Variants in MMS22L observed in about 807,000 individuals in gnomAD.
MMS22L encodes MMS22 like, DNA repair protein, also known as protein MMS22-like.
A neutral mutation model predicts 159.1 loss-of-function variants in MMS22L; 74 were observed. The observed-to-expected ratio is 0.47, with a 90% confidence interval of 0.39 to 0.56. MMS22L has a LOEUF of 0.56. Ranked by LOEUF, MMS22L falls within the 20% of genes least tolerant of loss-of-function variation. The pLI, the probability that MMS22L is intolerant of heterozygous loss-of-function variation, is 0.00. For synonymous variants in MMS22L, 517 were observed against 506.9 expected, an observed-to-expected ratio of 1.02 and a Z score of -0.27; for missense variants, 1,351 against 1,422.1, an observed-to-expected ratio of 0.95 and a Z score of 0.80.
intron 14 of MMS22L, among the ~76,000 whole-genome samples, chr6:97,194,645 GATCATAC>G (rs1806283496): frequency 6.6e-6 from 1 of 152,096 alleles, no homozygotes; most frequent in East Asian, 1.9e-4. Context: ...TAAGTAACAA[GATCATAC>G]ATAATCCTGT....
chr6:97,170,564 C>A (rs1803435023), intron 19 of MMS22L, among the ~76,000 whole-genome samples: 1 of 151,854 alleles, frequency 6.6e-6, no homozygotes, highest in Non-Finnish European at 1.5e-5. Context: ...ATGATAACCA[C>A]TATACAAGCT....
intron 14 of MMS22L, among the ~76,000 whole-genome samples, chr6:97,188,402 T>C (rs906025149): frequency 3.3e-5 from 5 of 152,202 alleles, no homozygotes; most frequent in Admixed American, 1.3e-4. Flanking sequence ...TCGACCTCTA[T>C]ATATGTGCTA....
chr6:97,263,651 T>C (rs1197226716), intron 8 of MMS22L: 2 of 388,534 alleles, frequency 5.1e-6, no homozygotes, highest in Non-Finnish European at 9.0e-6. Context: ...CAGATTAATT[T>C]GATTTCAACT....
chr6:97,178,503 G>A lies in MMS22L; in HGVS notation c.2619C>T (p.Ala873=). Residue 873 remains alanine (A), a synonymous_variant, in exon 18 of 25, where the codon GCC becomes GCT. Coordinates refer to ENST00000683635, the MANE Select transcript of MMS22L (RefSeq NM_001350599.2). ...LSEVKSIFSK[A]QVEYLSISED... is the part of the protein sequence containing the mutation. ...CTGAGATGGATAAATATTCAACTTGGGCCTTTGAGAAAATACTCTTTACTT... is the reference window on the plus strand; with the variant it reads ...CTGAGATGGATAAATATTCAACTTGAGCCTTTGAGAAAATACTCTTTACTT... 6.3e-7 allele frequency: 1 copy of A among 1,587,108 alleles called. No homozygotes were observed. The highest frequency in any genetic ancestry group is 8.6e-7 in the Non-Finnish European group (1 of 1,163,832).
rs1217236809 is a variant in MMS22L, at chr6:97,269,915, C to T, written c.684G>A (p.Leu228=). ...HWLVLEILYM[L]GEKLKQVVYG... ...CCATAAACTTACTCAATTTTTCACC[C>T]AGCATGTAAAGAATTTCTAGCACCA... is the stretch of plus-strand genomic sequence containing the variant. Residue 228 remains leucine (L), a synonymous_variant, in exon 7 of 25, where the codon CTG becomes CTA. Coordinates refer to ENST00000683635, the MANE Select transcript of MMS22L (RefSeq NM_001350599.2). The T allele has an allele frequency of 6.2e-7, 1 of 1,606,456 alleles. No homozygotes were observed. Among genetic ancestry groups the T allele is most frequent in the Non-Finnish European group, 8.5e-7 (1 of 1,175,670 alleles).
chr6:97,190,228 T>C (rs1805726419), intron 14 of MMS22L, among the ~76,000 whole-genome samples: 2 of 152,178 alleles, frequency 1.3e-5, no homozygotes, highest in South Asian at 2.1e-4. Flanking sequence ...GAATGTAATA[T>C]AGTTCTAGGT....
At chr6:97,169,701 TTGG>T (rs1361938147) in intron 19 of MMS22L, among the ~76,000 whole-genome samples, 1 of 152,150 alleles carries the variant, frequency 6.6e-6, no homozygotes, top group Non-Finnish European at 1.5e-5. Context: ...ATTTCTTCAG[TTGG>T]TGGAGAATTT....
intron 23 of MMS22L, among the ~76,000 whole-genome samples, chr6:97,150,768 T>C (rs897414389): frequency 1.4e-4 from 22 of 151,930 alleles, no homozygotes; most frequent in African/African-American, 2.2e-4. Context: ...AGATCCAACA[T>C]AGAATGAAGG....
chr6:97,217,401 C>T (rs1257585595), intron 14 of MMS22L, among the ~76,000 whole-genome samples: 1 of 151,872 alleles, frequency 6.6e-6, no homozygotes, highest in East Asian at 1.9e-4. Flanking sequence ...TTACAGGTGC[C>T]CACCACCACG....
At chr6:97,215,818 A>C (rs1808949132) in intron 14 of MMS22L, among the ~76,000 whole-genome samples, 1 of 151,780 alleles carries the variant, frequency 6.6e-6, no homozygotes, top group Non-Finnish European at 1.5e-5. Context: ...ATTCCCTTAA[A>C]CCCCCCTGTT....
chr6:97,253,447 C>T (rs1171541947), intron 10 of MMS22L: 2 of 147,904 alleles, frequency 1.4e-5, no homozygotes, highest in Non-Finnish European at 3.0e-5. Context: ...GAGTTAAGAT[C>T]TAGGTATCTG....
chr6:97,182,161 C>A, intron 15 of MMS22L, 107 bp from the exon 16 acceptor site: 15 of 866,734 alleles, frequency 1.7e-5, no homozygotes, highest in East Asian at 1.1e-4. Context: ...TTTTAAGTAA[C>A]AAATAATAAA....
chr6:97,186,153 C>T (rs536137085), intron 15 of MMS22L, among the ~76,000 whole-genome samples: 150 of 152,190 alleles, frequency 9.9e-4, no homozygotes, highest in Non-Finnish European at 1.7e-3. Context: ...CACAAATTAA[C>T]TTCATCTTAT....
At chr6:97,249,067 A>C (rs560788952) in intron 10 of MMS22L, among the ~76,000 whole-genome samples, 2 of 152,244 alleles carry the variant, frequency 1.3e-5, no homozygotes, top group South Asian at 4.1e-4. Flanking sequence ...CAATAGTCTC[A>C]GGCTGGGGGC....
At chr6:97,230,059 T>C (rs559430580) in intron 13 of MMS22L, among the ~76,000 whole-genome samples, 1 of 152,284 alleles carries the variant, frequency 6.6e-6, no homozygotes. Flanking sequence ...AAACAATTCA[T>C]CTGAATTCCT....
At chr6:97,248,006 A>C (rs1234085486) in intron 10 of MMS22L, among the ~76,000 whole-genome samples, 1 of 152,210 alleles carries the variant, frequency 6.6e-6, no homozygotes, top group Non-Finnish European at 1.5e-5. Context: ...GATGTCCCCC[A>C]GTGACCTTTG....
chr6:97,215,112 ATATTTT>A lies in MMS22L; in HGVS notation c.2039+13776_2039+13781del, dbSNP rs1206696432. On this transcript the variant is annotated intron_variant, in intron 14 of 24. Coordinates refer to ENST00000683635, the MANE Select transcript of MMS22L (RefSeq NM_001350599.2). ...TTTAAATATATATATATATATATAT[ATATTTT>A]TTTTTTGCATTGTTTCACTAGCGGC... 8.5e-4 allele frequency among the ~76,000 whole-genome samples: 68 copies of A among 80,088 alleles called. 1 individual carries two copies. Among genetic ancestry groups the A allele is most frequent in the African/African-American group, 2.4e-3 (66 of 27,626 alleles). 52.5% of individuals were successfully genotyped at this position (80,088 alleles called of 152,430 possible). A position where few individuals can be genotyped will look rare whatever the true frequency, so the allele number is the denominator to read the frequency against.
At position 97,249,130 on chromosome 6, in the gene MMS22L, T is replaced by C. The variant is rs757415207; in HGVS notation, c.1120-2440A>G. On this transcript the variant is annotated intron_variant, in intron 10 of 24. Transcript: ENST00000683635. ...ATCAGCCACGTGAGCAATTCAGTAG[T>C]CCACCCCTACATAATGGAACTCCCA... 3.9e-5 allele frequency among the ~76,000 whole-genome samples: 6 copies of C among 152,136 alleles called. No individual in the cohort carries two copies. The East Asian group carries it at 7.7e-4, about 20-fold the overall frequency.
chr6:97,151,936 C>T, intron 22 of MMS22L, 69 bp from the exon 23 acceptor site: 1 of 1,162,372 alleles, frequency 8.6e-7, no homozygotes, highest in South Asian at 1.3e-5. Context: ...TTTTTATGAA[C>T]ACTCTTGATT....
Sources: allele counts gnomAD v4.1 joint callset (sites outside exome capture counted in the v4.1 genomes callset), GRCh38; gene constraint gnomAD v4.1.1; transcripts MANE v1.5; gene names NCBI Gene and HGNC (gene_info 2026-07-23, HGNC 2026-07-21).